The following CSGALNACT1 variants were observed in gnomAD, a reference collection of about 807,000 sequenced individuals.
CSGALNACT1 encodes the protein beta4GalNAcT-1.
In CSGALNACT1, 52 loss-of-function variants were observed where a neutral mutation model predicts 51.0. The ratio of observed to expected loss-of-function variants is 1.02; its 90% CI spans 0.82 to 1.29. The LOEUF is 1.29. CSGALNACT1 is among the 50% of genes most tolerant of loss of function. The pLI, the probability that CSGALNACT1 is intolerant of heterozygous loss-of-function variation, is 0.00. For synonymous variants in CSGALNACT1, 341 were observed against 254.4 expected, an observed-to-expected ratio of 1.34 and a Z score of -3.24; for missense variants, 935 against 679.2, an observed-to-expected ratio of 1.38 and a Z score of -4.19.
At chr8:19,554,975 C>T (rs967373144) in intron 3 of CSGALNACT1, among the ~76,000 whole-genome samples, 3 of 150,278 alleles carry the variant, frequency 2.0e-5, no homozygotes, top group Admixed American at 6.6e-5. Context: ...CGTGGTGGCT[C>T]ATGCCTGTAA....
At chr8:19,409,496 TATATAG>T (rs772721733) in intron 8 of CSGALNACT1, among the ~76,000 whole-genome samples, 2 of 109,140 alleles carry the variant, frequency 1.8e-5, no homozygotes, top group Non-Finnish European at 3.8e-5. Context: ...CATATATATA[TATATAG>T]AGAGAGAGAG....
intron 3 of CSGALNACT1, among the ~76,000 whole-genome samples, chr8:19,530,389 GTATA>G (rs1563921158): frequency 6.6e-6 from 1 of 151,960 alleles, no homozygotes; most frequent in Non-Finnish European, 1.5e-5. Context: ...ATATGTAAGT[GTATA>G]TATAATTTTA....
intron 3 of CSGALNACT1, among the ~76,000 whole-genome samples, chr8:19,530,410 C>A (rs879598581): frequency 2.0e-5 from 3 of 151,868 alleles, no homozygotes; most frequent in African/African-American, 7.3e-5. Context: ...TTTATAATAT[C>A]TATAACTCTT....
intron 1 of CSGALNACT1, among the ~76,000 whole-genome samples, chr8:19,689,753 A>C (rs2061183351): frequency 6.6e-6 from 1 of 152,226 alleles, no homozygotes; most frequent in South Asian, 2.1e-4. Flanking sequence ...TATTTATCTG[A>C]CCTGAGAAAT....
chr8:19,566,390 C>A (rs1043959786), intron 3 of CSGALNACT1, among the ~76,000 whole-genome samples: 1 of 152,130 alleles, frequency 6.6e-6, no homozygotes, highest in Non-Finnish European at 1.5e-5. Context: ...AATATCTAGT[C>A]TTTAGAACCA....
chr8:19,632,161 C>T (rs912802669), intron 1 of CSGALNACT1, among the ~76,000 whole-genome samples: 8 of 152,148 alleles, frequency 5.3e-5, no homozygotes, highest in African/African-American at 1.7e-4. Context: ...GAGAAATCAC[C>T]CAATTTCACA....
chr8:19,437,863 G>T (rs141251079), intron 6 of CSGALNACT1, among the ~76,000 whole-genome samples: 36 of 152,228 alleles, frequency 2.4e-4, no homozygotes, highest in African/African-American at 8.4e-4. Context: ...CCACTCAAAT[G>T]ATTTTACTTT....
At chr8:19,694,658 G>C (rs2061497608) in intron 1 of CSGALNACT1, among the ~76,000 whole-genome samples, 1 of 152,172 alleles carries the variant, frequency 6.6e-6, no homozygotes, top group Non-Finnish European at 1.5e-5. Flanking sequence ...GAAAGGGCAT[G>C]GGTTCCCTTA....
rs1564385793 is a variant in CSGALNACT1, at chr8:19,666,999, GAAAGAAAGAAAGAAAGA to G, written c.-544+15457_-544+15473del. Among the ~76,000 whole-genome samples the G allele has an allele frequency of 7.8e-3, 203 of 25,914 alleles. 2 individuals are homozygous for G. Among genetic ancestry groups the G allele is most frequent in the East Asian group, 8.7e-3 (13 of 1,488 alleles). 17.0% of individuals were successfully genotyped at this position (25,914 alleles called of 152,430 possible). A position where few individuals can be genotyped will look rare whatever the true frequency, so the allele number is the denominator to read the frequency against. ...AGAAAGAAAGAAAGAAAGAAAGAAA[GAAAGAAAGAAAGAAAGA>G]AAGGAAGGAAGGAAGGAAGGAAGGA... On this transcript the variant is annotated intron_variant, in intron 1 of 9. Transcript: ENST00000332246.
intron 4 of CSGALNACT1, among the ~76,000 whole-genome samples, chr8:19,488,921 A>G (rs993889213): frequency 6.6e-6 from 1 of 152,048 alleles, no homozygotes. Context: ...AGCAGAATAC[A>G]GGGTTTTCAT....
At chr8:19,525,615 C>CAAAAA (rs34787475) in intron 3 of CSGALNACT1, among the ~76,000 whole-genome samples, 285 of 20,388 alleles carry the variant, frequency 0.014, 55 homozygotes, top group African/African-American at 0.028. Context: ...AAACTTGTCC[C>CAAAAA]AAAAAAAAAA....
intron 1 of CSGALNACT1, among the ~76,000 whole-genome samples, chr8:19,610,601 C>T (rs1380525865): frequency 6.6e-6 from 1 of 152,168 alleles, no homozygotes; most frequent in Non-Finnish European, 1.5e-5. Flanking sequence ...GGCCACCAAC[C>T]AGCAGAAGGA....
chr8:19,753,069 G>A (rs991153322), intron 1 of CSGALNACT1, among the ~76,000 whole-genome samples: 2 of 152,200 alleles, frequency 1.3e-5, no homozygotes, highest in South Asian at 2.1e-4. Flanking sequence ...TCATCTTGGC[G>A]TGGACTCAGC....
intron 4 of CSGALNACT1, among the ~76,000 whole-genome samples, chr8:19,488,564 C>T (rs555804737): frequency 2.0e-5 from 3 of 151,632 alleles, no homozygotes; most frequent in African/African-American, 7.3e-5. Context: ...CAGAGAAAAT[C>T]AACTGCTATT....
At chr8:19,420,885 G>T (rs941982166) in intron 6 of CSGALNACT1, among the ~76,000 whole-genome samples, 2 of 152,180 alleles carry the variant, frequency 1.3e-5, no homozygotes, top group African/African-American at 2.4e-5. Context: ...ACCGAATGAG[G>T]CCACTGAGCC....
Position 19,668,077 on chromosome 8 carries a change from G to A in CSGALNACT1, c.-544+14396C>T, listed in dbSNP as rs147493731. On this transcript the variant is annotated intron_variant, in intron 1 of 9. Coordinates refer to the CSGALNACT1 transcript ENST00000332246. Reference sequence around the variant, plus strand: ...TATTACATCCTTTAACTTTTCCAGAGAGAGAAATACAACTGGCTCCCAAAT... The same window carrying A: ...TATTACATCCTTTAACTTTTCCAGAAAGAGAAATACAACTGGCTCCCAAAT... 7.8e-3 allele frequency among the ~76,000 whole-genome samples: 1,185 copies of A among 152,258 alleles called. 11 individuals are homozygous for A. Among genetic ancestry groups the A allele is most frequent in the African/African-American group, 0.026 (1,071 of 41,542 alleles).
intron 2 of CSGALNACT1, among the ~76,000 whole-genome samples, chr8:19,595,386 T>C (rs1037137115): frequency 1.3e-5 from 2 of 152,148 alleles, no homozygotes; most frequent in Admixed American, 6.5e-5. Flanking sequence ...ACATTTAAAG[T>C]CCAACACGCA....
intron 9 of CSGALNACT1, 52 bp downstream of exon 8, chr8:19,408,561 C>T: frequency 1.4e-6 from 2 of 1,453,152 alleles, no homozygotes; most frequent in South Asian, 1.1e-5. Context: ...CCTTCAAGGC[C>T]TACATGGGCC....
intron 4 of CSGALNACT1, among the ~76,000 whole-genome samples, chr8:19,464,696 A>T (rs912714157): frequency 4.6e-5 from 7 of 152,120 alleles, no homozygotes; most frequent in Non-Finnish European, 1.0e-4. Flanking sequence ...CATGTAAAGG[A>T]TGTAGGGCGT....
Sources: gnomAD v4.1 joint callset for allele counts (sites outside exome capture counted in the v4.1 genomes callset) on GRCh38, gnomAD v4.1.1 for gene constraint, MANE v1.5 for transcripts, NCBI Gene and HGNC (gene_info 2026-07-23, HGNC 2026-07-21) for gene names.